The following FBXO10 variants were observed in gnomAD, a reference collection of about 807,000 sequenced individuals.
The protein encoded by FBXO10 is F-box protein 10.
FBXO10 carries 39 observed loss-of-function variants against 80.7 expected under a neutral mutation model. The ratio of observed to expected loss-of-function variants is 0.48; its 90% confidence interval spans 0.37 to 0.63. FBXO10 has a LOEUF of 0.63. Ranked by LOEUF, FBXO10 falls within the 30% of genes least tolerant of loss-of-function variation. The pLI, the probability that FBXO10 is intolerant of heterozygous loss-of-function variation, is 0.00. For missense variants in FBXO10, 1,025 were observed against 1,269.0 expected, an observed-to-expected ratio of 0.81 and a Z score of 2.92; for synonymous variants, 449 against 489.6, an observed-to-expected ratio of 0.92 and a Z score of 1.09.
chr9:37,535,784 T>G (rs1821746702), intron 3 of FBXO10, among the ~76,000 whole-genome samples: 1 of 152,192 alleles, frequency 6.6e-6, no homozygotes, highest in Non-Finnish European at 1.5e-5. Context: ...AGGCCTTGCT[T>G]GAAAGGGTGA....
rs567264678 is a variant in FBXO10 at position 37,569,628 on chromosome 9, C to T, written c.-7+6583G>A. ...ACATGGAACATTTATAAAAACTGAC[C>T]ATAAACAGAGCTCTAACAGAAGTAT... On this transcript the variant is annotated intron_variant, in intron 1 of 10. Coordinates refer to ENST00000432825, the MANE Select transcript of FBXO10 (RefSeq NM_012166.3). Among the ~76,000 whole-genome samples, 7 of 152,204 alleles carry T rather than the reference C, an allele frequency of 4.6e-5. 1 individual carries two copies. The highest frequency in any genetic ancestry group is 1.7e-4 in the African/African-American group (7 of 41,518).
At chr9:37,542,967 C>A (rs1238639353) in intron 1 of FBXO10, among the ~76,000 whole-genome samples, 3 of 152,150 alleles carry the variant, frequency 2.0e-5, no homozygotes, top group Non-Finnish European at 2.9e-5. Context: ...AGGAAGAGAC[C>A]TCTATCTCTT....
chr9:37,571,689 C>T (rs746713661), intron 1 of FBXO10, among the ~76,000 whole-genome samples: 6 of 120,562 alleles, frequency 5.0e-5, no homozygotes, highest in African/African-American at 1.0e-4. Context: ...GAAGATATCA[C>T]CATTTAAGAG....
In FBXO10 at chr9:37,532,062, A is replaced by G. The variant is rs770787021; in HGVS notation, c.1420-4T>C. Reference sequence around the variant, plus strand: ...TGTCGTTCCTGAGCATGATGATCTAAGCAGAAAAGAGAAAGCCATTTATTT... The same window carrying G: ...TGTCGTTCCTGAGCATGATGATCTAGGCAGAAAAGAGAAAGCCATTTATTT... On this transcript the variant is annotated splice_polypyrimidine_tract_variant and splice_region_variant and intron_variant, in intron 3 of 10. Transcript: ENST00000432825. 8.7e-6 allele frequency: 14 copies of G among 1,612,016 alleles called. No homozygotes were observed. Among genetic ancestry groups the G allele is most frequent in the Admixed American group, 1.7e-5 (1 of 59,722 alleles).
intron 7 of FBXO10, 190 bp from the exon 8 acceptor site, chr9:37,522,028 G>C (rs1821359498): frequency 3.1e-6 from 2 of 635,494 alleles, no homozygotes; most frequent in African/African-American, 3.6e-5. Flanking sequence ...TCAGGATCAG[G>C]TGAACCTCAC....
rs184912623 is a variant in FBXO10 at position 37,551,488 on chromosome 9, C to A, written c.-6-9714G>T. Among the ~76,000 whole-genome samples, 17 of 152,356 alleles carry A rather than the reference C, an allele frequency of 1.1e-4. No homozygotes were observed. The East Asian group carries it at 3.3e-3, about 29-fold the overall frequency. On this transcript the variant is annotated intron_variant, in intron 1 of 10. Transcript: ENST00000432825. ...GTACTCTGCAAGTCTACAGTTAGCC[C>A]CACGGGGATAGCACCAAGGTAGACT...
intron 1 of FBXO10, among the ~76,000 whole-genome samples, chr9:37,544,790 C>G (rs1281456188): frequency 1.3e-5 from 2 of 151,778 alleles, no homozygotes; most frequent in Admixed American, 6.6e-5. Context: ...GTCAGGAGAT[C>G]GAGACCATCC....
chr9:37,542,224 A>G (rs185799014), intron 1 of FBXO10, among the ~76,000 whole-genome samples: 47 of 152,308 alleles, frequency 3.1e-4, no homozygotes, highest in Admixed American at 7.8e-4. Context: ...CATCCTTTCA[A>G]TGTGAATCCT....
At chr9:37,563,253 C>A (rs1225335074) in intron 1 of FBXO10, among the ~76,000 whole-genome samples, 3 of 152,200 alleles carry the variant, frequency 2.0e-5, no homozygotes, top group African/African-American at 4.8e-5. Flanking sequence ...GTCAATTAAA[C>A]CTCTTTTGTT....
intron 1 of FBXO10, among the ~76,000 whole-genome samples, chr9:37,553,916 C>CAAAAAAAAAAAAAAAAAA (rs71494669): frequency 2.2e-4 from 14 of 64,276 alleles, no homozygotes; most frequent in East Asian, 4.8e-4. Flanking sequence ...AAGTCTGCCT[C>CAAAAAAAAAAAAAAAAAA]AAAAAAAAAA....
intron 2 of FBXO10, among the ~76,000 whole-genome samples, chr9:37,539,009 G>C (rs917315116): frequency 1.3e-5 from 2 of 152,130 alleles, no homozygotes; most frequent in Non-Finnish European, 2.9e-5. Flanking sequence ...AAGCAGTCTT[G>C]GTGAGGCCCA....
intron 5 of FBXO10, 103 bp from the exon 6 acceptor site, chr9:37,525,275 T>C (rs1177804820): frequency 8.7e-7 from 1 of 1,150,712 alleles, no homozygotes; most frequent in Non-Finnish European, 1.2e-6. Flanking sequence ...CTACAAAAAA[T>C]ACAAAAAAAT....
chr9:37,523,545 C>A (rs1471883119), intron 6 of FBXO10, among the ~76,000 whole-genome samples: 4 of 151,878 alleles, frequency 2.6e-5, no homozygotes, highest in African/African-American at 7.3e-5. Flanking sequence ...AGACTGAGAC[C>A]CTGCCTCAAA....
In FBXO10 at chr9:37,541,718, G is replaced by A; in HGVS notation, c.51C>T (p.Tyr17=). ...AGCGGCCCAGGTCGGGAAGGTGCAA[G>A]TAGGCTAAGATCATGCGCCACAGCT... ...PLELWRMILA[Y]LHLPDLGRCS... is the part of the protein sequence containing the mutation. Residue 17 remains tyrosine, a synonymous_variant, in exon 2 of 11, where the codon TAC becomes TAT. Coordinates refer to ENST00000432825, the MANE Select transcript of FBXO10 (RefSeq NM_012166.3). The A allele has an allele frequency of 6.2e-7, 1 of 1,613,542 alleles. No homozygotes were observed. Among genetic ancestry groups the A allele is most frequent in the Non-Finnish European group, 8.5e-7 (1 of 1,179,824 alleles).
chr9:37,567,099 C>CTT (rs1197465745), intron 1 of FBXO10, among the ~76,000 whole-genome samples: 1 of 151,238 alleles, frequency 6.6e-6, no homozygotes, highest in East Asian at 1.9e-4. Context: ...GTTTTGAGGG[C>CTT]TTACTAAATG....
Position 37,511,000 on chromosome 9 carries a change from C to A in FBXO10, c.*1547G>T, listed in dbSNP as rs1003886560. On this transcript the variant is annotated 3_prime_UTR_variant, in exon 11 of 11. Coordinates refer to ENST00000432825, the MANE Select transcript of FBXO10 (RefSeq NM_012166.3). Reference sequence around the variant, plus strand: ...ATAGTAACGGCAGCATTTTTTACAGCGACTCACATTGGGGCCACCAAACAA... The same window carrying A: ...ATAGTAACGGCAGCATTTTTTACAGAGACTCACATTGGGGCCACCAAACAA... 6.6e-6 allele frequency: 1 copy of A among 152,630 alleles called. No homozygotes were observed. The highest frequency in any genetic ancestry group is 1.5e-5 in the Non-Finnish European group (1 of 68,050). 9.5% of individuals were successfully genotyped at this position (152,630 alleles called of 1,614,324 possible).
intron 1 of FBXO10, among the ~76,000 whole-genome samples, chr9:37,548,203 G>A (rs977535643): frequency 1.3e-5 from 2 of 151,754 alleles, no homozygotes; most frequent in African/African-American, 4.8e-5. Flanking sequence ...TGGCCAACGT[G>A]GTGAAACCCC....
rs1400391901 is a variant in FBXO10 at position 37,512,379 on chromosome 9, C to G, written c.*168G>C. The G allele has an allele frequency of 1.8e-6, 1 of 562,014 alleles. No individual in the cohort carries two copies. The highest frequency in any genetic ancestry group is 2.9e-6 in the Non-Finnish European group (1 of 340,250). 34.8% of individuals were successfully genotyped at this position (562,014 alleles called of 1,614,324 possible). ...CCTGAAAAACATTGCCCACTTTCTT[C>G]TTGCTATGGGCTGTGGAGCTGAAGT... is the stretch of plus-strand genomic sequence containing the variant. On this transcript the variant is annotated 3_prime_UTR_variant, in exon 11 of 11. Coordinates refer to ENST00000432825, the MANE Select transcript of FBXO10 (RefSeq NM_012166.3).
rs144512431 is a variant in FBXO10 at position 37,562,913 on chromosome 9, A to G, written c.-7+13298T>C. On this transcript the variant is annotated intron_variant, in intron 1 of 10. Transcript: ENST00000432825. The stretch of plus-strand genomic sequence containing the variant: ...CAAAAAACACCCAAAAGACAAAAAG[A>G]AAACCAAAGAAATCCCACAATTCAA... Among the ~76,000 whole-genome samples the G allele has an allele frequency of 7.8e-3, 1,193 of 152,308 alleles. 14 individuals are homozygous for G. Among genetic ancestry groups the G allele is most frequent in the Middle Eastern group, 0.017 (5 of 294 alleles).
Sources: allele counts gnomAD v4.1 joint callset (sites outside exome capture counted in the v4.1 genomes callset), GRCh38; gene constraint gnomAD v4.1.1; transcripts MANE v1.5; gene names NCBI Gene and HGNC (gene_info 2026-07-23, HGNC 2026-07-21).